The following OTULIN variants were observed in gnomAD, a reference collection of about 807,000 sequenced individuals.
OTULIN encodes OTU deubiquitinase with linear linkage specificity.
In OTULIN, 15 loss-of-function variants were observed where a neutral mutation model predicts 39.6. That is an observed-to-expected ratio of 0.38 (90% CI 0.25 to 0.58). The LOEUF is 0.58. Ranked by LOEUF, OTULIN falls within the 20% of genes least tolerant of loss-of-function variation. The pLI is 0.66. For missense variants in OTULIN, 319 were observed against 445.9 expected (o/e 0.72, Z 2.56); for synonymous variants, 156 against 170.3 (o/e 0.92, Z 0.65).
At position 14,693,053 on chromosome 5, in the gene OTULIN, C is replaced by T. The variant is rs371508922; in HGVS notation, c.*5C>T. ...TGTGAGGAGACCAGTCTATGAGAGA[C>T]GCATGCTCCTGACAGCCTGGCGACG... On this transcript the variant is annotated 3_prime_UTR_variant, in exon 7 of 7. Coordinates refer to ENST00000284274, the MANE Select transcript of OTULIN (RefSeq NM_138348.6). The T allele has an allele frequency of 1.7e-4, 272 of 1,599,256 alleles. No homozygotes were observed. The highest frequency in any genetic ancestry group is 2.1e-4 in the Non-Finnish European group (246 of 1,170,150).
chr5:14,713,421 C>T, the OTULIN span: 16 of 1,394,970 alleles, frequency 1.1e-5, no homozygotes, highest in South Asian at 1.9e-4. This position sits in a 1 kb window ranked among gnomAD's most constrained non-coding sequence, Gnocchi z 4.4. Flanking sequence ...CACAAAACAT[C>T]ATTCTGAATT....
chr5:14,690,397 TCAGGGA>T lies in OTULIN; in HGVS notation c.864+93_864+98del. On this transcript the variant is annotated intron_variant, in intron 6 of 6. Coordinates refer to ENST00000284274, the MANE Select transcript of OTULIN (RefSeq NM_138348.6). The surrounding 1 kb of genome is among the most constrained non-coding windows in gnomAD (Gnocchi z 4.5). ...GTCACAGTTTTTGTAGGTCAGAAAT[TCAGGGA>T]CAGCTTAGTTGGATGGTTCTGGCTC... 2 of 1,480,120 alleles carry T rather than the reference TCAGGGA, an allele frequency of 1.4e-6. No individual in the cohort carries two copies. Among genetic ancestry groups the T allele is most frequent in the Admixed American group, 4.2e-5 (2 of 47,240 alleles). 91.7% of individuals were successfully genotyped at this position (1,480,120 alleles called of 1,614,324 possible).
At position 14,681,609 on chromosome 5, in the gene OTULIN, T is replaced by TA; in HGVS notation, c.468+3dup. On this transcript the variant is annotated splice_region_variant and intron_variant, in intron 4 of 6. Transcript: ENST00000284274. Reference sequence around the variant, plus strand: ...CTGCAGGACCCGGAGCTCATGCTGGTACGCTGCTGCTGCAGGTTTGAGTCC... The same window carrying TA: ...CTGCAGGACCCGGAGCTCATGCTGGTAACGCTGCTGCTGCAGGTTTGAGTCC... 6.3e-7 allele frequency: 1 copy of TA among 1,599,424 alleles called. No homozygotes were observed. Among genetic ancestry groups the TA allele is most frequent in the Non-Finnish European group, 8.5e-7 (1 of 1,176,356 alleles).
At chr5:14,710,714 G>C in the OTULIN span, 1 of 184,104 alleles carries the variant, frequency 5.4e-6, no homozygotes, top group African/African-American at 2.4e-5. Flanking sequence ...GGCCACCGGG[G>C]CTCCATCTCT....
At position 14,668,636 on chromosome 5, in the gene OTULIN, C is replaced by T. The variant is rs548531567; in HGVS notation, c.152+3659C>T. 2.0e-5 allele frequency among the ~76,000 whole-genome samples: 3 copies of T among 152,186 alleles called. No individual in the cohort carries two copies. The South Asian group carries it at 6.2e-4, about 32-fold the overall frequency. On this transcript the variant is annotated intron_variant, in intron 1 of 6. Coordinates refer to ENST00000284274, the MANE Select transcript of OTULIN (RefSeq NM_138348.6). ...TAAGTTAAGTATGAACTGCAGGGTT[C>T]AAGTCCAGAGAGTTGAATTAAAAAA...
intron 3 of OTULIN, 109 bp downstream of exon 3, chr5:14,678,884 G>A (rs1736174145): frequency 9.4e-6 from 6 of 637,414 alleles, no homozygotes; most frequent in African/African-American, 1.9e-5. Flanking sequence ...TGCTATAGAC[G>A]TTGTTATTGG....
intron 4 of OTULIN, among the ~76,000 whole-genome samples, chr5:14,681,913 A>G (rs781568081): frequency 6.6e-6 from 1 of 152,254 alleles, no homozygotes; most frequent in African/African-American, 2.4e-5. Context: ...AGTAGGCTGT[A>G]TATGTTACTA....
At chr5:14,665,889 T>C (rs1467523488) in intron 1 of OTULIN, among the ~76,000 whole-genome samples, 1 of 152,202 alleles carries the variant, frequency 6.6e-6, no homozygotes, top group Non-Finnish European at 1.5e-5. Flanking sequence ...GAGAGCCCCC[T>C]TGGGATGGTG....
At chr5:14,671,235 AAG>A (rs959427316) in intron 1 of OTULIN, among the ~76,000 whole-genome samples, 4 of 152,228 alleles carry the variant, frequency 2.6e-5, no homozygotes, top group African/African-American at 9.6e-5. Context: ...ATTAAAAAGA[AAG>A]AGAACAAAAG....
chr5:14,687,512 ATGT>A lies in OTULIN; in HGVS notation c.469-5_469-3del. On this transcript the variant is annotated splice_polypyrimidine_tract_variant and splice_region_variant and intron_variant, in intron 4 of 6. Transcript: ENST00000284274. ...CACTTCTTTATCTCTTTGTTTCTCGATGTTGTAGTTACCAGAAAAACTCATAAG... is the reference window on the plus strand; with the variant it reads ...CACTTCTTTATCTCTTTGTTTCTCGATGTAGTTACCAGAAAAACTCATAAG... 1 of 1,611,260 alleles carries A rather than the reference ATGT, an allele frequency of 6.2e-7. No homozygotes were observed.
Position 14,692,982 on chromosome 5 carries a change from G to T in OTULIN, c.993G>T (p.Thr331=), listed in dbSNP as rs764227912. Residue 331 remains threonine (T), a synonymous_variant, in exon 7 of 7, where the codon ACG becomes ACT. Transcript: ENST00000284274. ...CACCCAAGGACTGGCCAGTGGTAAC[G>T]CTCATTGCTGAGGACGATCGGCACT... ...TDPPKDWPVV[T]LIAEDDRHYN... is the part of the protein sequence containing the mutation. 1.9e-6 allele frequency: 3 copies of T among 1,614,158 alleles called. No individual in the cohort carries two copies. Among genetic ancestry groups the T allele is most frequent in the Non-Finnish European group, 2.5e-6 (3 of 1,180,036 alleles).
chr5:14,688,058 C>T (rs139655290), intron 5 of OTULIN: 2,026 of 152,570 alleles, frequency 0.013, 26 homozygotes, highest in Non-Finnish European at 0.021. Context: ...TATTTTCTTT[C>T]TCCGTGATTT....
intron 1 of OTULIN, among the ~76,000 whole-genome samples, chr5:14,668,970 G>A (rs1378221321): frequency 6.6e-6 from 1 of 152,116 alleles, no homozygotes; most frequent in African/African-American, 2.4e-5. Flanking sequence ...AGAACAAGTG[G>A]TACCAGTTAT....
chr5:14,702,517 A>G (rs1226965758), downstream of OTULIN, among the ~76,000 whole-genome samples: 1 of 152,180 alleles, frequency 6.6e-6, no homozygotes, highest in Non-Finnish European at 1.5e-5. Flanking sequence ...AAGAGCATGG[A>G]ATTAAATAGC....
the OTULIN span, among the ~76,000 whole-genome samples, chr5:14,716,076 A>G: frequency 6.6e-6 from 1 of 152,360 alleles, no homozygotes; most frequent in South Asian, 2.1e-4. Context: ...TGAGAATTTC[A>G]GTACATGAAC....
At chr5:14,715,433 T>C in the OTULIN span, among the ~76,000 whole-genome samples, 1 of 152,220 alleles carries the variant, frequency 6.6e-6, no homozygotes, top group Non-Finnish European at 1.5e-5. Context: ...GCCCGGCCCA[T>C]GGCTCCTTTC....
chr5:14,676,351 C>T (rs756062800), intron 2 of OTULIN, among the ~76,000 whole-genome samples: 2 of 152,210 alleles, frequency 1.3e-5, no homozygotes, highest in African/African-American at 2.4e-5. Flanking sequence ...ATAAGCTGCT[C>T]GAGGTCAGGT....
At chr5:14,713,501 A>G in the OTULIN span, 2 of 1,612,464 alleles carry the variant, frequency 1.2e-6, no homozygotes, top group Non-Finnish European at 1.7e-6. This position sits in a 1 kb window ranked among gnomAD's most constrained non-coding sequence, Gnocchi z 4.4. Context: ...ACAGTATTGA[A>G]GTGGCAGAAG....
At chr5:14,671,219 T>A (rs1206917457) in intron 1 of OTULIN, among the ~76,000 whole-genome samples, 2 of 152,186 alleles carry the variant, frequency 1.3e-5, no homozygotes, top group Non-Finnish European at 2.9e-5. Context: ...TTTGGTTATT[T>A]TGTAGATTAA....
Sources: gnomAD v4.1 joint callset for allele counts (sites outside exome capture counted in the v4.1 genomes callset) on GRCh38, gnomAD v4.1.1 for gene constraint, Gnocchi (gnomAD v3.1) non-coding constraint, MANE v1.5 for transcripts, NCBI Gene and HGNC (gene_info 2026-07-23, HGNC 2026-07-21) for gene names.